Variants in CNST observed in about 807,000 individuals in gnomAD.
CNST encodes the protein consortin, connexin sorting protein, also known as consortin.
Under a neutral mutation model 72.4 loss-of-function variants are expected in CNST, and 39 were observed. The observed-to-expected ratio is 0.54, with a 90% CI of 0.42 to 0.70. The LOEUF (loss-of-function observed/expected upper bound fraction) is 0.70, where lower values mean the gene tolerates loss of function less well. Ranked by LOEUF, CNST falls within the 30% of genes least tolerant of loss-of-function variation. CNST has a pLI of 0.00. For synonymous variants in CNST, 332 were observed against 320.1 expected (o/e 1.04, Z -0.40); for missense variants, 871 against 868.5 (o/e 1.00, Z -0.04).
At chr1:246,615,382 A>G (rs923468638) in intron 2 of CNST, among the ~76,000 whole-genome samples, 1 of 151,622 alleles carries the variant, frequency 6.6e-6, no homozygotes, top group East Asian at 2.0e-4. Context: ...TCACCGTGTT[A>G]GCCAGGATGG....
intron 2 of CNST, among the ~76,000 whole-genome samples, chr1:246,617,217 A>G (rs1218984979): frequency 1.3e-5 from 2 of 152,252 alleles, no homozygotes; most frequent in Non-Finnish European, 2.9e-5. Context: ...TGAAAAGGCT[A>G]CATATTGTAT....
chr1:246,644,358 C>T (rs184535073), intron 8 of CNST, among the ~76,000 whole-genome samples: 244 of 143,562 alleles, frequency 1.7e-3, no homozygotes, highest in Middle Eastern at 3.9e-3. Context: ...CACTGCGCTC[C>T]GCCTGGGCGA....
Position 246,591,694 on chromosome 1 carries a change from CG to C in CNST, c.136del (p.Asp46ThrfsTer6). ...ASDENENQLDGDGHEHLTSSD... is the reference protein window; with the variant it reads ...ASDENENQLDXDGHEHLTSSD... ...CAGATGAAAATGAAAATCAGCTTGACGGGGACGGGCATGAGCATCTGACCAG... is the reference window on the plus strand; with the variant it reads ...CAGATGAAAATGAAAATCAGCTTGACGGGACGGGCATGAGCATCTGACCAG... On this transcript the variant is annotated frameshift_variant, in exon 2 of 11. Coordinates refer to ENST00000366513, the MANE Select transcript of CNST (RefSeq NM_152609.3). LOFTEE classifies it high-confidence loss of function. 1 of 1,614,126 alleles carries C rather than the reference CG, an allele frequency of 6.2e-7. No individual in the cohort carries two copies. The highest frequency in any genetic ancestry group is 8.5e-7 in the Non-Finnish European group (1 of 1,180,026).
In CNST at chr1:246,591,548, C is replaced by T. The variant is rs767979403; in HGVS notation, c.-15C>T. On this transcript the variant is annotated 5_prime_UTR_variant, in exon 2 of 11. Coordinates refer to ENST00000366513, the MANE Select transcript of CNST (RefSeq NM_152609.3). ...CTTTAATGTAACTTTAAATGGTTCA[C>T]CAAAGGATGCTCTAATGGATGACAG... is the stretch of plus-strand genomic sequence containing the variant. The T allele has an allele frequency of 8.1e-6, 13 of 1,613,744 alleles. No homozygotes were observed. In the South Asian group the frequency reaches 1.2e-4, roughly 15 times the overall value.
chr1:246,580,893 A>G (rs1302512272), intron 1 of CNST, among the ~76,000 whole-genome samples: 2 of 151,936 alleles, frequency 1.3e-5, no homozygotes, highest in Non-Finnish European at 2.9e-5. Flanking sequence ...GGCGCGCGCC[A>G]CCACACCCGG....
chr1:246,568,358 C>G (rs1659853647), intron 1 of CNST, among the ~76,000 whole-genome samples: 1 of 152,034 alleles, frequency 6.6e-6, no homozygotes, highest in Admixed American at 6.6e-5. Context: ...TCCCTTTTTA[C>G]AGTGTTGATG....
In CNST at chr1:246,608,160, A is replaced by C. The variant is rs376836464; in HGVS notation, c.380-13269A>C. 78 of 151,924 alleles carry C rather than the reference A, an allele frequency of 5.1e-4. 1 individual carries two copies. The highest frequency in any genetic ancestry group is 1.6e-3 in the African/African-American group (65 of 41,224). The allele number at this position is 151,924 out of a possible 1,614,324, so 9.4% of individuals were successfully genotyped here. ...ACATAGAGAACCTGTCTCTACAAAA[A>C]AAACAAATAAATAAATAATAAATAA... On this transcript the variant is annotated intron_variant, in intron 2 of 10. Coordinates refer to ENST00000366513, the MANE Select transcript of CNST (RefSeq NM_152609.3).
At chr1:246,636,935 G>A (rs1350740022) in intron 6 of CNST, among the ~76,000 whole-genome samples, 1 of 152,106 alleles carries the variant, frequency 6.6e-6, no homozygotes, top group Non-Finnish European at 1.5e-5. Context: ...GGGCTGCTGT[G>A]GGCAGCAGGG....
chr1:246,649,314 C>T (rs543266704), intron 9 of CNST, among the ~76,000 whole-genome samples: 3 of 152,212 alleles, frequency 2.0e-5, no homozygotes, highest in African/African-American at 4.8e-5. Flanking sequence ...GAATTGTATA[C>T]TTACAAAGAG....
At chr1:246,608,653 G>A (rs532524636) in intron 2 of CNST, among the ~76,000 whole-genome samples, 1 of 152,286 alleles carries the variant, frequency 6.6e-6, no homozygotes, top group South Asian at 2.1e-4. Context: ...TAAGCCCGTG[G>A]GTTACCTGCT....
intron 1 of CNST, among the ~76,000 whole-genome samples, chr1:246,580,789 A>G (rs1572120700): frequency 6.6e-6 from 1 of 151,258 alleles, no homozygotes. Flanking sequence ...TGCCCAGGCT[A>G]GAGTGCAGTA....
intron 6 of CNST, among the ~76,000 whole-genome samples, chr1:246,634,992 C>CGTGTCTTCCGGCCAGG (rs1192522426): frequency 7.3e-4 from 17 of 23,232 alleles, no homozygotes; most frequent in Admixed American, 5.3e-3. Context: ...TTCCGGCCGG[C>CGTGTCTTCCGGCCAGG]CCTCTTCCTG....
intron 1 of CNST, among the ~76,000 whole-genome samples, chr1:246,581,058 T>C (rs376309455): frequency 4.0e-5 from 6 of 151,736 alleles, no homozygotes; most frequent in East Asian, 3.9e-4. Flanking sequence ...CTTTATAGCA[T>C]GTAAAAAAAA....
chr1:246,658,113 G>GA (rs1666866854), intron 9 of CNST, among the ~76,000 whole-genome samples: 1 of 151,964 alleles, frequency 6.6e-6, no homozygotes, highest in African/African-American at 2.4e-5. Context: ...AAAATTTTTG[G>GA]AAAAATTTTA....
At chr1:246,610,377 T>G (rs1663232853) in intron 2 of CNST, among the ~76,000 whole-genome samples, 1 of 152,252 alleles carries the variant, frequency 6.6e-6, no homozygotes, top group Non-Finnish European at 1.5e-5. Flanking sequence ...GTCTTCCTGA[T>G]TTCCTTTAGT....
rs1662425803 is a variant in CNST at position 246,603,181 on chromosome 1, T to A, written c.379+11240T>A. 5.9e-5 allele frequency among the ~76,000 whole-genome samples: 9 copies of A among 152,348 alleles called. No homozygotes were observed. The South Asian group carries it at 1.7e-3, about 28-fold the overall frequency. On this transcript the variant is annotated intron_variant, in intron 2 of 10. Transcript: ENST00000366513. ...TTAACCTAGATGAATGAAGACTTTT[T>A]AAAAGTTTTTAGATATAAGCATATA...
At chr1:246,570,250 G>A (rs933368636) in intron 1 of CNST, among the ~76,000 whole-genome samples, 3 of 152,180 alleles carry the variant, frequency 2.0e-5, no homozygotes, top group African/African-American at 7.2e-5. Context: ...AACAAGGGTG[G>A]TGATTTACGT....
chr1:246,641,657 A>G (rs1665696871), intron 6 of CNST, 92 bp from the exon 7 acceptor site: 1 of 746,174 alleles, frequency 1.3e-6, no homozygotes, highest in South Asian at 1.5e-5. Flanking sequence ...GAGAAGCTGT[A>G]TTTTTTTATA....
At chr1:246,655,381 A>G (rs1666720521) in intron 9 of CNST, among the ~76,000 whole-genome samples, 1 of 152,146 alleles carries the variant, frequency 6.6e-6, no homozygotes, top group South Asian at 2.1e-4. Flanking sequence ...TTTCTGGAAA[A>G]TGGCTGCTGC....
Sources: allele counts gnomAD v4.1 joint callset (sites outside exome capture counted in the v4.1 genomes callset), GRCh38; gene constraint gnomAD v4.1.1; transcripts MANE v1.5; gene names NCBI Gene and HGNC (gene_info 2026-07-23, HGNC 2026-07-21).